KHDRBS2: variants seen among roughly 807,000 people sequenced by gnomAD.
KHDRBS2 encodes KH domain-containing, RNA-binding, signal transduction-associated protein 2.
In KHDRBS2, 26 loss-of-function variants were observed where a neutral mutation model predicts 44.3. The ratio of observed to expected loss-of-function variants is 0.59; its 90% CI spans 0.43 to 0.81. The LOEUF (loss-of-function observed/expected upper bound fraction) is 0.81. KHDRBS2 is among the 40% of genes least tolerant of loss of function. The pLI, the probability that KHDRBS2 is intolerant of heterozygous loss-of-function variation, is 0.00. For missense variants in KHDRBS2, 476 were observed against 433.1 expected, an observed-to-expected ratio of 1.10 and a Z score of -0.88; for synonymous variants, 194 against 151.1, an observed-to-expected ratio of 1.28 and a Z score of -2.08.
the KHDRBS2 span, among the ~76,000 whole-genome samples, chr6:61,570,160 T>C: frequency 6.6e-6 from 1 of 152,020 alleles, no homozygotes; most frequent in Non-Finnish European, 1.5e-5. Context: ...GAAATCCAAC[T>C]TAATGAAATT....
In KHDRBS2 at chr6:61,921,225, A is replaced by G. The variant is rs560888015; in HGVS notation, c.484-19854T>C. Among the ~76,000 whole-genome samples the G allele has an allele frequency of 1.9e-3, 294 of 152,106 alleles. 2 individuals are homozygous for G. Among genetic ancestry groups the G allele is most frequent in the African/African-American group, 6.7e-3 (278 of 41,550 alleles). ...TCAAAGATACAGGACATGTCAAAAC[A>G]TTTTAAATGCTCCTGTCATTTCCAC... On this transcript the variant is annotated intron_variant, in intron 4 of 8. Coordinates refer to ENST00000281156, the MANE Select transcript of KHDRBS2 (RefSeq NM_152688.4).
intron 8 of KHDRBS2, among the ~76,000 whole-genome samples, chr6:61,694,191 C>A (rs1204116): frequency 0.2 from 30,116 of 152,080 alleles, 3,546 homozygotes; most frequent in South Asian, 0.33. Context: ...CTCATCAGAA[C>A]ATAAGCTTCA....
At chr6:62,151,133 A>G (rs1815084898) in intron 2 of KHDRBS2, among the ~76,000 whole-genome samples, 1 of 152,180 alleles carries the variant, frequency 6.6e-6, no homozygotes, top group African/African-American at 2.4e-5. Context: ...TTAGCCATGT[A>G]CTATCGATCA....
intron 1 of KHDRBS2, among the ~76,000 whole-genome samples, chr6:62,273,157 A>G (rs1300025029): frequency 6.6e-6 from 1 of 152,162 alleles, no homozygotes; most frequent in East Asian, 1.9e-4. Context: ...GTCCCCATTT[A>G]TAAATTAAAT....
At chr6:62,080,746 T>G (rs1584569284) in intron 2 of KHDRBS2, among the ~76,000 whole-genome samples, 1 of 152,222 alleles carries the variant, frequency 6.6e-6, no homozygotes, top group East Asian at 1.9e-4. Context: ...CCATGCTCCT[T>G]CCCTTTGGGT....
At chr6:61,731,303 T>C (rs1437343114) in intron 7 of KHDRBS2, among the ~76,000 whole-genome samples, 1 of 152,078 alleles carries the variant, frequency 6.6e-6, no homozygotes. Context: ...ATTGGGACAA[T>C]TAAGATATTA....
At chr6:61,641,543 T>C in the KHDRBS2 span, among the ~76,000 whole-genome samples, 1 of 152,176 alleles carries the variant, frequency 6.6e-6, no homozygotes, top group African/African-American at 2.4e-5. Context: ...TCATCATCCC[T>C]TAGCATGTAA....
chr6:62,141,878 A>G (rs1812890269), intron 2 of KHDRBS2, among the ~76,000 whole-genome samples: 1 of 152,138 alleles, frequency 6.6e-6, no homozygotes, highest in South Asian at 2.1e-4. Flanking sequence ...TATCTAAAAC[A>G]TATTATCTTG....
At chr6:61,607,844 C>G in the KHDRBS2 span, among the ~76,000 whole-genome samples, 1 of 152,104 alleles carries the variant, frequency 6.6e-6, no homozygotes, top group South Asian at 2.1e-4. Context: ...TGCACCACCA[C>G]GCCTGGCTAT....
the KHDRBS2 span, among the ~76,000 whole-genome samples, chr6:61,607,198 G>A: frequency 6.6e-6 from 1 of 151,664 alleles, no homozygotes; most frequent in Admixed American, 6.6e-5. Context: ...GAAAAACAGA[G>A]GGAAGAGATG....
chr6:61,635,046 T>C, the KHDRBS2 span, among the ~76,000 whole-genome samples: 1 of 152,194 alleles, frequency 6.6e-6, no homozygotes, highest in South Asian at 2.1e-4. Context: ...ATTCCTGTGC[T>C]TGAGATGAAA....
the KHDRBS2 span, among the ~76,000 whole-genome samples, chr6:61,628,977 T>C: frequency 1.3e-5 from 2 of 152,200 alleles, no homozygotes; most frequent in African/African-American, 2.4e-5. Flanking sequence ...TCAAGTCTGA[T>C]CTGTAAAAAC....
At chr6:61,600,960 T>C in the KHDRBS2 span, among the ~76,000 whole-genome samples, 1 of 152,186 alleles carries the variant, frequency 6.6e-6, no homozygotes, top group Non-Finnish European at 1.5e-5. Context: ...GCGCCAGTCA[T>C]GGACTCGGGA....
chr6:61,789,668 T>G (rs1416568917), intron 6 of KHDRBS2, among the ~76,000 whole-genome samples: 1 of 151,508 alleles, frequency 6.6e-6, no homozygotes, highest in Non-Finnish European at 1.5e-5. Context: ...GGCCCTGGTT[T>G]GTCGTAATTT....
At chr6:62,202,632 G>A (rs1221603651) in intron 1 of KHDRBS2, among the ~76,000 whole-genome samples, 1 of 152,000 alleles carries the variant, frequency 6.6e-6, no homozygotes, top group Admixed American at 6.6e-5. Context: ...ATATGTTATG[G>A]AAAAGGAAAA....
rs535725053 is a variant in KHDRBS2 at position 61,680,871 on chromosome 6, A to G, written c.*92T>C. ...TCCCTAGAATAGAAACAAACAAACA[A>G]AAAAAGGACTATTACTTGTCTTGTT... is the stretch of plus-strand genomic sequence containing the variant. On this transcript the variant is annotated 3_prime_UTR_variant, in exon 9 of 9. Coordinates refer to ENST00000281156, the MANE Select transcript of KHDRBS2 (RefSeq NM_152688.4). 2 of 740,204 alleles carry G rather than the reference A, an allele frequency of 2.7e-6. No homozygotes were observed. Among genetic ancestry groups the G allele is most frequent in the South Asian group, 1.7e-5 (1 of 57,982 alleles). 45.9% of individuals were successfully genotyped at this position (740,204 alleles called of 1,614,324 possible).
At chr6:61,919,720 GAAC>G (rs1018921346) in intron 4 of KHDRBS2, among the ~76,000 whole-genome samples, 9 of 151,062 alleles carry the variant, frequency 6.0e-5, no homozygotes, top group Non-Finnish European at 1.2e-4. Flanking sequence ...AAAACCTGAA[GAAC>G]AACAACAACA....
intron 6 of KHDRBS2, among the ~76,000 whole-genome samples, chr6:61,810,926 C>A (rs1233118167): frequency 6.6e-6 from 1 of 151,826 alleles, no homozygotes; most frequent in Admixed American, 6.6e-5. Flanking sequence ...CATGGAAAAC[C>A]ATTTTATTTT....
the KHDRBS2 span, among the ~76,000 whole-genome samples, chr6:61,627,631 A>G: frequency 1.3e-5 from 2 of 152,058 alleles, no homozygotes; most frequent in Admixed American, 6.5e-5. Context: ...CCCAATAAAA[A>G]CTCAATACAA....
Sources: allele counts gnomAD v4.1 joint callset (sites outside exome capture counted in the v4.1 genomes callset), GRCh38; gene constraint gnomAD v4.1.1; transcripts MANE v1.5; gene names NCBI Gene and HGNC (gene_info 2026-07-23, HGNC 2026-07-21).